The following PEX14 variants were observed in gnomAD, a reference collection of about 807,000 sequenced individuals.
PEX14 encodes peroxisomal membrane protein PEX14.
In PEX14, 15 loss-of-function variants were observed where a neutral mutation model predicts 49.5. The observed-to-expected ratio is 0.30, with a 90% CI of 0.20 to 0.47. The LOEUF (loss-of-function observed/expected upper bound fraction) is 0.47, where lower values mean the gene tolerates loss of function less well. PEX14 is among the 20% of genes least tolerant of loss of function. The pLI, the probability that PEX14 is intolerant of heterozygous loss-of-function variation, is 1.00. For synonymous variants in PEX14, 210 were observed against 212.7 expected (o/e 0.99, Z 0.11); for missense variants, 398 against 494.8 (o/e 0.80, Z 1.86).
At chr1:10,520,978 C>CTT (rs34115584) in intron 2 of PEX14, among the ~76,000 whole-genome samples, 44,010 of 140,558 alleles carry the variant, frequency 0.31, 6,978 homozygotes, top group Admixed American at 0.35. Flanking sequence ...TTGCCGTTGT[C>CTT]TTTTTTTTTT....
chr1:10,576,408 T>C (rs1483291431), intron 3 of PEX14, among the ~76,000 whole-genome samples: 2 of 152,180 alleles, frequency 1.3e-5, no homozygotes, highest in Admixed American at 6.5e-5. Context: ...TATTGTCTTC[T>C]TACAATTGAG....
At chr1:10,579,713 C>A (rs1347910228) in intron 3 of PEX14, among the ~76,000 whole-genome samples, 1 of 152,048 alleles carries the variant, frequency 6.6e-6, no homozygotes, top group African/African-American at 2.4e-5. Flanking sequence ...GTTGCCATGG[C>A]GTCTGTAAAC....
intron 6 of PEX14, 48 bp from the exon 7 acceptor site, chr1:10,624,292 G>C (rs771133165): frequency 3.3e-6 from 4 of 1,222,500 alleles, no homozygotes; most frequent in Non-Finnish European, 4.9e-6. Context: ...CGAGGGGAAC[G>C]TCTGTGCCTG....
At chr1:10,561,062 T>TAC (rs985455445) in intron 3 of PEX14, among the ~76,000 whole-genome samples, 3 of 151,874 alleles carry the variant, frequency 2.0e-5, no homozygotes, top group Admixed American at 1.3e-4. Flanking sequence ...CACACACATA[T>TAC]ACACACACAC....
chr1:10,560,662 T>C (rs9661121), intron 3 of PEX14, among the ~76,000 whole-genome samples: 93,112 of 150,916 alleles, frequency 0.62, 30,013 homozygotes, highest in Admixed American at 0.71. Flanking sequence ...TGAGCCACCA[T>C]GCCCAGCCTC....
intron 3 of PEX14, among the ~76,000 whole-genome samples, chr1:10,589,397 A>G (rs767769587): frequency 2.6e-5 from 4 of 152,146 alleles, no homozygotes; most frequent in Non-Finnish European, 5.9e-5. Context: ...AACCGGGTGT[A>G]GTGTAATTTC....
intron 3 of PEX14, among the ~76,000 whole-genome samples, chr1:10,540,601 G>A (rs1375336493): frequency 6.6e-6 from 1 of 150,430 alleles, no homozygotes; most frequent in Non-Finnish European, 1.5e-5. Context: ...CCATCTCCAG[G>A]AAAAAAAAAA....
Position 10,560,938 on chromosome 1 carries a change from G to A in PEX14, c.169+24641G>A, listed in dbSNP as rs188218633. On this transcript the variant is annotated intron_variant, in intron 3 of 8. Coordinates refer to ENST00000356607, the MANE Select transcript of PEX14 (RefSeq NM_004565.3). ...TCACCATATTGGCCAGGCTGGTCTC[G>A]AACTCCTGACCTTGTGATTCGCCTG... Among the ~76,000 whole-genome samples the A allele has an allele frequency of 3.6e-4, 54 of 151,918 alleles. 1 individual carries two copies. In the East Asian group the frequency reaches 8.0e-3, roughly 22 times the overall value.
At chr1:10,486,752 A>G (rs1203083200) in intron 1 of PEX14, among the ~76,000 whole-genome samples, 1 of 147,088 alleles carries the variant, frequency 6.8e-6, no homozygotes, top group African/African-American at 2.5e-5. Flanking sequence ...CAGTGGCGCG[A>G]TCTCGGCTCA....
intron 3 of PEX14, among the ~76,000 whole-genome samples, chr1:10,588,411 G>A (rs1299197600): frequency 1.3e-5 from 2 of 152,150 alleles, no homozygotes; most frequent in Non-Finnish European, 2.9e-5. Flanking sequence ...GGTGGCAGGA[G>A]TGGGAAGGAG....
At chr1:10,599,423 A>G in intron 4 of PEX14, 57 bp downstream of exon 4, 1 of 1,593,968 alleles carries the variant, frequency 6.3e-7, no homozygotes, top group Non-Finnish European at 8.6e-7. Flanking sequence ...GACTCTGGCC[A>G]AAGGGCAGTG....
intron 4 of PEX14, among the ~76,000 whole-genome samples, chr1:10,614,740 C>T (rs539173195): frequency 1.0e-3 from 158 of 152,214 alleles, no homozygotes; most frequent in African/African-American, 3.5e-3. Context: ...ACTTGTTCTG[C>T]CTGAGGATTT....
At chr1:10,622,295 G>A (rs985367367) in intron 5 of PEX14, among the ~76,000 whole-genome samples, 18 of 152,124 alleles carry the variant, frequency 1.2e-4, no homozygotes, top group African/African-American at 2.9e-4. Flanking sequence ...CTGGTCCTGC[G>A]CCTTCCTCTC....
At chr1:10,546,873 A>C (rs1460134336) in intron 3 of PEX14, among the ~76,000 whole-genome samples, 1 of 152,128 alleles carries the variant, frequency 6.6e-6, no homozygotes, top group African/African-American at 2.4e-5. Context: ...CATCTCAAAA[A>C]AAAACAAAAA....
intron 2 of PEX14, among the ~76,000 whole-genome samples, chr1:10,525,903 C>T (rs147756972): frequency 0.016 from 2,415 of 150,116 alleles, 67 homozygotes; most frequent in African/African-American, 0.056. Flanking sequence ...AGGTTGCAGG[C>T]GTGAGCCACT....
intron 4 of PEX14, among the ~76,000 whole-genome samples, chr1:10,605,428 A>G (rs1641098698): frequency 6.6e-6 from 1 of 152,240 alleles, no homozygotes; most frequent in Non-Finnish European, 1.5e-5. Context: ...GAGAGCTTTC[A>G]GAATTTGAGA....
At chr1:10,519,023 G>A (rs916041109) in intron 2 of PEX14, among the ~76,000 whole-genome samples, 1 of 152,056 alleles carries the variant, frequency 6.6e-6, no homozygotes, top group African/African-American at 2.4e-5. Context: ...AAAAGGAGTC[G>A]AGCCAAACTC....
chr1:10,534,352 G>T lies in PEX14; in HGVS notation c.85-1861G>T, dbSNP rs543484348. Among the ~76,000 whole-genome samples the T allele has an allele frequency of 2.0e-5, 3 of 152,064 alleles. No individual in the cohort carries two copies. In the East Asian group the frequency reaches 5.8e-4, roughly 29 times the overall value. On this transcript the variant is annotated intron_variant, in intron 2 of 8. Coordinates refer to ENST00000356607, the MANE Select transcript of PEX14 (RefSeq NM_004565.3). Reference sequence around the variant, plus strand: ...CAGAGCAGGGGCCTCGCTTCCGTTGGTTTTTCTGCTTGTCTCTCATTTCTC... The same window carrying T: ...CAGAGCAGGGGCCTCGCTTCCGTTGTTTTTTCTGCTTGTCTCTCATTTCTC...
chr1:10,576,211 A>G (rs1402496786), intron 3 of PEX14, among the ~76,000 whole-genome samples: 1 of 152,102 alleles, frequency 6.6e-6, no homozygotes, highest in Admixed American at 6.5e-5. Context: ...GATTATTTTC[A>G]CATAATCAGA....
Sources: gnomAD v4.1 joint callset for allele counts (sites outside exome capture counted in the v4.1 genomes callset) on GRCh38, gnomAD v4.1.1 for gene constraint, MANE v1.5 for transcripts, NCBI Gene and HGNC (gene_info 2026-07-23, HGNC 2026-07-21) for gene names.